CSNK1G1: variants seen among roughly 807,000 people sequenced by gnomAD.
CSNK1G1 encodes casein kinase 1 gamma 1.
Under a neutral mutation model 59.6 loss-of-function variants are expected in CSNK1G1, and 22 were observed. The ratio of observed to expected loss-of-function variants is 0.37; its 90% CI spans 0.26 to 0.53. CSNK1G1 has a LOEUF of 0.53. CSNK1G1 is among the 20% of genes least tolerant of loss of function. The probability of loss-of-function intolerance (pLI) is 0.89; values close to 1 mark genes in which losing one functional copy is unlikely to be tolerated. For missense variants in CSNK1G1, 384 were observed against 519.5 expected, an observed-to-expected ratio of 0.74 and a Z score of 2.54; for synonymous variants, 179 against 177.1, an observed-to-expected ratio of 1.01 and a Z score of -0.08.
At chr15:64,262,987 G>A (rs1892775911) in intron 2 of CSNK1G1, among the ~76,000 whole-genome samples, 1 of 146,854 alleles carries the variant, frequency 6.8e-6, no homozygotes, top group Non-Finnish European at 1.5e-5. Context: ...GCTGAGACAG[G>A]AGAATAGCTT....
intron 4 of CSNK1G1, among the ~76,000 whole-genome samples, chr15:64,230,550 A>G (rs574850833): frequency 6.6e-6 from 1 of 152,170 alleles, no homozygotes; most frequent in African/African-American, 2.4e-5. Context: ...CTCCCACCTC[A>G]TCCTTCCCAA....
At chr15:64,234,243 T>G (rs761018432) in intron 4 of CSNK1G1, among the ~76,000 whole-genome samples, 5 of 152,160 alleles carry the variant, frequency 3.3e-5, no homozygotes, top group African/African-American at 7.2e-5. Context: ...GATTGCAACT[T>G]TTTGTTTTTA....
intron 11 of CSNK1G1, among the ~76,000 whole-genome samples, chr15:64,173,012 G>A (rs773289712): frequency 2.7e-4 from 41 of 152,220 alleles, no homozygotes; most frequent in Non-Finnish European, 5.6e-4. Flanking sequence ...GACAGAAGGT[G>A]GTGGATGAGT....
chr15:64,225,688 G>A (rs541796683), intron 4 of CSNK1G1, among the ~76,000 whole-genome samples: 90 of 152,244 alleles, frequency 5.9e-4, no homozygotes, highest in Non-Finnish European at 1.1e-3. Flanking sequence ...GTGCAATGGC[G>A]TGATCTCGGC....
intron 1 of CSNK1G1, among the ~76,000 whole-genome samples, chr15:64,334,712 A>G (rs1354480000): frequency 1.3e-5 from 2 of 152,118 alleles, no homozygotes; most frequent in Admixed American, 6.5e-5. Flanking sequence ...ATCTGACAGG[A>G]GGTGGCGCTC....
At chr15:64,256,554 T>C (rs1292133748) in intron 3 of CSNK1G1, among the ~76,000 whole-genome samples, 1 of 152,172 alleles carries the variant, frequency 6.6e-6, no homozygotes, top group Non-Finnish European at 1.5e-5. Context: ...GGAAGCACTA[T>C]AAGTAGAAGG....
rs769089525 is a variant in CSNK1G1 at position 64,171,886 on chromosome 15, T to C, written c.*45A>G. On this transcript the variant is annotated 3_prime_UTR_variant, in exon 12 of 12. Transcript: ENST00000303052. The surrounding 1 kb of genome is among the most constrained non-coding windows in gnomAD (Gnocchi z 4.8). ...GAAATGGCAGGAGCTGCAGGTACAA[T>C]TGAGTCAGAGTCCCCAGGGCCTGAG... is the stretch of plus-strand genomic sequence containing the variant. 2.7e-6 allele frequency: 4 copies of C among 1,506,094 alleles called. No homozygotes were observed. Among genetic ancestry groups the C allele is most frequent in the South Asian group, 1.1e-5 (1 of 88,992 alleles). 93.3% of individuals were successfully genotyped at this position (1,506,094 alleles called of 1,614,324 possible). A position where few individuals can be genotyped will look rare whatever the true frequency, so the allele number is the denominator to read the frequency against.
chr15:64,180,344 G>C lies in CSNK1G1; in HGVS notation c.1214+4C>G. ...TTAAGAGCCCCCTTGAAAGATGTAC[G>C]TACTTAGCTTCCTCCACTACCTCCA... On this transcript the variant is annotated splice_donor_region_variant and intron_variant, in intron 11 of 11. Coordinates refer to ENST00000303052, the MANE Select transcript of CSNK1G1 (RefSeq NM_022048.5). The C allele has an allele frequency of 6.2e-7, 1 of 1,610,322 alleles. No individual in the cohort carries two copies. Among genetic ancestry groups the C allele is most frequent in the Non-Finnish European group, 8.5e-7 (1 of 1,176,530 alleles).
chr15:64,268,728 T>G (rs1893116053), intron 2 of CSNK1G1, among the ~76,000 whole-genome samples: 1 of 152,188 alleles, frequency 6.6e-6, no homozygotes, highest in Non-Finnish European at 1.5e-5. Flanking sequence ...TGGGTGTGTG[T>G]GTCAGCATCC....
intron 1 of CSNK1G1, among the ~76,000 whole-genome samples, chr15:64,319,788 C>T (rs1395318988): frequency 6.6e-6 from 1 of 152,064 alleles, no homozygotes; most frequent in Non-Finnish European, 1.5e-5. Context: ...TGAGCTCAGG[C>T]AATCCGCTAT....
intron 3 of CSNK1G1, among the ~76,000 whole-genome samples, chr15:64,255,308 C>G (rs1892315049): frequency 6.6e-6 from 1 of 152,110 alleles, no homozygotes; most frequent in East Asian, 1.9e-4. Flanking sequence ...AACTCCTGAC[C>G]TCGTAATCCA....
At chr15:64,208,296 G>A (rs922063000) in intron 6 of CSNK1G1, among the ~76,000 whole-genome samples, 11 of 152,126 alleles carry the variant, frequency 7.2e-5, no homozygotes, top group African/African-American at 1.4e-4. Flanking sequence ...CCAGGAGTTC[G>A]AGATAAGCCT....
In CSNK1G1 at chr15:64,294,319, C is replaced by T. The variant is rs112148628; in HGVS notation, c.181+6000G>A. On this transcript the variant is annotated intron_variant, in intron 2 of 11. Coordinates refer to ENST00000303052, the MANE Select transcript of CSNK1G1 (RefSeq NM_022048.5). ...AAACTCCTGATCTCAGGTGATCCGC[C>T]CACCTCGGCCTCTCAAAGGGCTGGG... Among the ~76,000 whole-genome samples, 1,054 of 152,156 alleles carry T rather than the reference C, an allele frequency of 6.9e-3. 11 individuals carry two copies. The highest frequency in any genetic ancestry group is 0.017 in the African/African-American group (711 of 41,530).
intron 1 of CSNK1G1, among the ~76,000 whole-genome samples, chr15:64,301,968 A>G (rs1428552191): frequency 6.6e-6 from 1 of 152,210 alleles, no homozygotes; most frequent in African/African-American, 2.4e-5. Flanking sequence ...CCAATTATAC[A>G]ACAAAGCAAA....
intron 1 of CSNK1G1, among the ~76,000 whole-genome samples, chr15:64,314,487 G>T (rs1325884149): frequency 6.7e-6 from 1 of 149,712 alleles, no homozygotes; most frequent in Non-Finnish European, 1.5e-5. Context: ...CATTTTTGTG[G>T]TAAGAATATT....
At chr15:64,187,916 G>A (rs79410687) in intron 10 of CSNK1G1, among the ~76,000 whole-genome samples, 9 of 152,198 alleles carry the variant, frequency 5.9e-5, no homozygotes, top group Middle Eastern at 3.4e-3. Flanking sequence ...AACTTCCTGG[G>A]TACCCACTCA....
chr15:64,277,178 T>C (rs918666270), intron 2 of CSNK1G1, among the ~76,000 whole-genome samples: 2 of 151,982 alleles, frequency 1.3e-5, no homozygotes, highest in African/African-American at 2.4e-5. Context: ...ATTAATAAAG[T>C]TGGAGGCTGG....
intron 1 of CSNK1G1, among the ~76,000 whole-genome samples, chr15:64,311,836 C>T (rs1266570558): frequency 6.6e-6 from 1 of 152,094 alleles, no homozygotes. Flanking sequence ...GCTGACATCA[C>T]ACCACTGCAC....
In CSNK1G1 at chr15:64,171,628, T is replaced by C. The variant is rs1238267006; in HGVS notation, c.*303A>G. 4.6e-6 allele frequency: 2 copies of C among 438,178 alleles called. No homozygotes were observed. The highest frequency in any genetic ancestry group is 8.3e-6 in the Non-Finnish European group (2 of 241,464). The allele number at this position is 438,178 out of a possible 1,614,324, so 27.1% of individuals were successfully genotyped here. A position where few individuals can be genotyped will look rare whatever the true frequency, so the allele number is the denominator to read the frequency against. ...AAGGAGAATAGCAGTCCTTGAGTTT[T>C]TGTGAATGACACCTTCACTGTAAAC... On this transcript the variant is annotated 3_prime_UTR_variant, in exon 12 of 12. Transcript: ENST00000303052. This position sits in a 1 kb window ranked among gnomAD's most constrained non-coding sequence, Gnocchi z 4.8.
Sources: allele counts gnomAD v4.1 joint callset (sites outside exome capture counted in the v4.1 genomes callset), GRCh38; gene constraint gnomAD v4.1.1; non-coding constraint Gnocchi (gnomAD v3.1); transcripts MANE v1.5; gene names NCBI Gene and HGNC (gene_info 2026-07-23, HGNC 2026-07-21).